The following SORL1 variants were observed in gnomAD, a reference collection of about 807,000 sequenced individuals.
The protein encoded by SORL1 is sortilin related receptor 1, also known as sortilin-related receptor.
In SORL1, 127 loss-of-function variants were observed where a neutral mutation model predicts 273.7. That is an observed-to-expected ratio of 0.46 (90% CI 0.40 to 0.54). The LOEUF (loss-of-function observed/expected upper bound fraction) is 0.54. Ranked by LOEUF, SORL1 falls within the 20% of genes least tolerant of loss-of-function variation. The pLI is 0.00. For synonymous variants in SORL1, 1,031 were observed against 1,067.4 expected, an observed-to-expected ratio of 0.97 and a Z score of 0.66; for missense variants, 2,494 against 2,846.1, an observed-to-expected ratio of 0.88 and a Z score of 2.81.
rs78207399 is a variant in SORL1 at position 121,494,031 on chromosome 11, C to T, written c.759-2838C>T. Among the ~76,000 whole-genome samples the T allele has an allele frequency of 5.8e-3, 879 of 152,224 alleles. 6 individuals carry two copies. The highest frequency in any genetic ancestry group is 0.02 in the African/African-American group (819 of 41,516). ...AAGGACACCCTCTGCTCAAGGAGAACCATTAGAACTTTCTTCTGCTTTATT... is the reference window on the plus strand; with the variant it reads ...AAGGACACCCTCTGCTCAAGGAGAATCATTAGAACTTTCTTCTGCTTTATT... On this transcript the variant is annotated intron_variant, in intron 5 of 47. Coordinates refer to ENST00000260197, the MANE Select transcript of SORL1 (RefSeq NM_003105.6).
In SORL1 at chr11:121,488,050, T is replaced by G. The variant is rs770700207; in HGVS notation, c.547T>G (p.Tyr183Asp). Residue 183 changes from tyrosine (Y) to aspartate (D), a missense_variant, in exon 4 of 48, where the codon TAT becomes GAT. This residue lies in a region of SORL1 where 710 missense variants were observed against 882.5 expected (regional missense o/e 0.80). Coordinates refer to ENST00000260197, the MANE Select transcript of SORL1 (RefSeq NM_003105.6). Reference protein sequence around the residue: ...DNKRYIFADAYAQYLWITFDF... With the variant: ...DNKRYIFADADAQYLWITFDF... ...CTTGCAGTACATCTTTGCAGACGCT[T>G]ATGCCCAGTACCTCTGGATCACGTT... is the stretch of plus-strand genomic sequence containing the variant. 3.7e-6 allele frequency: 6 copies of G among 1,614,068 alleles called. No homozygotes were observed. Among genetic ancestry groups the G allele is most frequent in the Admixed American group, 1.7e-5 (1 of 59,996 alleles).
At position 121,605,170 on chromosome 11, in the gene SORL1, A is replaced by T. The variant is rs1863450575; in HGVS notation, c.4709A>T (p.Asp1570Val). ...NLQWTADFSG[D>V]VTLTWMRPKK... ...CAGTGGACAGCTGACTTCTCTGGGG[A>T]TGTGACTTTGACCTGGATGAGGCCC... The change falls in exon 34 of 48, where the codon GAT becomes GTT. Residue 1570 changes from aspartate to valine, a missense_variant. Asp to Val is a radical substitution (Grantham distance 152). This residue lies in a region of SORL1 where 1,609 missense variants were observed against 1,816.4 expected (regional missense o/e 0.89). Coordinates refer to ENST00000260197, the MANE Select transcript of SORL1 (RefSeq NM_003105.6). 4 of 1,613,558 alleles carry T rather than the reference A, an allele frequency of 2.5e-6. No homozygotes were observed. The highest frequency in any genetic ancestry group is 2.7e-5 in the African/African-American group (2 of 75,016).
At chr11:121,556,841 A>T (rs369898035) in intron 18 of SORL1, among the ~76,000 whole-genome samples, 51 of 152,296 alleles carry the variant, frequency 3.3e-4, no homozygotes, top group African/African-American at 1.2e-3. Flanking sequence ...GAAGCAAGAG[A>T]TGACCAGCCT....
chr11:121,574,433 A>G (rs1158409430), intron 24 of SORL1, 70 bp downstream of exon 24: 26 of 1,387,854 alleles, frequency 1.9e-5, no homozygotes, highest in Non-Finnish European at 2.2e-5. Flanking sequence ...ACAGGGCTGT[A>G]CTGGTATGTA....
At chr11:121,616,004 C>T (rs1863633598) in intron 41 of SORL1, among the ~76,000 whole-genome samples, 2 of 152,318 alleles carry the variant, frequency 1.3e-5, no homozygotes, top group South Asian at 4.1e-4. Context: ...ACAGCCTCTG[C>T]TCTTTTGTGT....
chr11:121,615,005 G>A lies in SORL1; in HGVS notation c.5554G>A (p.Ala1852Thr), dbSNP rs925217076. Residue 1852 changes from alanine (A) to threonine (T), a missense_variant, in exon 41 of 48, where the codon GCC (alanine) becomes ACC (threonine). Physicochemically the swap from Ala to Thr is moderately conservative, Grantham distance 58. Around this residue, in one of 3 missense-constraint regions of SORL1, gnomAD observed 1,609 missense variants for 1,816.4 expected, o/e 0.89. Coordinates refer to ENST00000260197, the MANE Select transcript of SORL1 (RefSeq NM_003105.6). The stretch of plus-strand genomic sequence containing the variant: ...ACCTGCACCTAGCCTCAAGGCCAAA[G>A]CCATCAACCAGACTGCAGTGGAATG... ...RPPAPSLKAK[A>T]INQTAVECTW... 6.2e-7 allele frequency: 1 copy of A among 1,612,748 alleles called. No homozygotes were observed. Among genetic ancestry groups the A allele is most frequent in the African/African-American group, 1.3e-5 (1 of 74,944 alleles).
At position 121,500,945 on chromosome 11, in the gene SORL1, C is replaced by T. The variant is rs117722597; in HGVS notation, c.939+3896C>T. ...CAATTTTCAACCTTAAGCTAATTTG[C>T]TCTCTAATGTTGATCAGAGGTAACA... is the stretch of plus-strand genomic sequence containing the variant. On this transcript the variant is annotated intron_variant, in intron 6 of 47. Coordinates refer to ENST00000260197, the MANE Select transcript of SORL1 (RefSeq NM_003105.6). 6.4e-4 allele frequency among the ~76,000 whole-genome samples: 98 copies of T among 152,300 alleles called. No individual in the cohort carries two copies. In the East Asian group the frequency reaches 0.017, roughly 27 times the overall value.
intron 39 of SORL1, 62 bp downstream of exon 39, chr11:121,611,220 G>A (rs1483207768): frequency 5.3e-6 from 6 of 1,122,110 alleles, no homozygotes; most frequent in Non-Finnish European, 8.0e-6. Context: ...GAACTGAAAG[G>A]ACATAGCACA....
At position 121,550,737 on chromosome 11, in the gene SORL1, C is replaced by T. The variant is rs1224574411; in HGVS notation, c.2266+67C>T. 3.2e-6 allele frequency: 4 copies of T among 1,261,296 alleles called. No homozygotes were observed. The highest frequency in any genetic ancestry group is 1.5e-5 in the African/African-American group (1 of 67,262). 78.1% of individuals were successfully genotyped at this position (1,261,296 alleles called of 1,614,324 possible). On this transcript the variant is annotated intron_variant, in intron 16 of 47. Coordinates refer to ENST00000260197, the MANE Select transcript of SORL1 (RefSeq NM_003105.6). The surrounding 1 kb of genome is among the most constrained non-coding windows in gnomAD (Gnocchi z 5.3). The stretch of plus-strand genomic sequence containing the variant: ...GTTGAAGCAGTATCACGATCTCACC[C>T]AAGTCCGGGCTTGTGGCTCCTTTAA...
intron 32 of SORL1, among the ~76,000 whole-genome samples, chr11:121,598,989 T>G (rs1480707690): frequency 6.6e-6 from 1 of 152,204 alleles, no homozygotes; most frequent in African/African-American, 2.4e-5. Flanking sequence ...TCTTTCCAAT[T>G]CTTCAATTTC....
At chr11:121,478,317 G>T in intron 3 of SORL1, 74 bp downstream of exon 3, 2 of 1,521,090 alleles carry the variant, frequency 1.3e-6, no homozygotes, top group Non-Finnish European at 8.9e-7. Flanking sequence ...ACTTAAGGGG[G>T]TGCTAGGAGA....
intron 11 of SORL1, among the ~76,000 whole-genome samples, chr11:121,528,526 G>A (rs1308691073): frequency 6.6e-6 from 1 of 152,106 alleles, no homozygotes; most frequent in Non-Finnish European, 1.5e-5. Context: ...ATTTTAAAGT[G>A]TACAGTTCAT....
rs1421418079 is a variant in SORL1, at chr11:121,509,186, A to G, written c.940-3817A>G. Among the ~76,000 whole-genome samples the G allele has an allele frequency of 3.3e-5, 5 of 151,794 alleles. No individual in the cohort carries two copies. In the South Asian group the frequency reaches 6.2e-4, roughly 19 times the overall value. ...TTGCTGAACCTTTGTTGCTGCTCCA[A>G]GGGAGGATGTGACCCATGGCTCTGG... On this transcript the variant is annotated intron_variant, in intron 6 of 47. Coordinates refer to ENST00000260197, the MANE Select transcript of SORL1 (RefSeq NM_003105.6).
intron 11 of SORL1, among the ~76,000 whole-genome samples, chr11:121,530,060 T>A (rs1327132353): frequency 6.6e-6 from 1 of 152,168 alleles, no homozygotes; most frequent in African/African-American, 2.4e-5. Flanking sequence ...TAACGTAAAA[T>A]TTAGAACCCT....
intron 2 of SORL1, among the ~76,000 whole-genome samples, chr11:121,472,735 C>A (rs997806914): frequency 6.6e-6 from 1 of 152,146 alleles, no homozygotes; most frequent in African/African-American, 2.4e-5. Flanking sequence ...CCGAGGTGGG[C>A]AGATCACCTG....
Position 121,554,540 on chromosome 11 carries a change from A to G in SORL1, c.2439+431A>G, listed in dbSNP as rs1565334548. Among the ~76,000 whole-genome samples the G allele has an allele frequency of 6.6e-6, 1 of 152,248 alleles. No homozygotes were observed. Among genetic ancestry groups the G allele is most frequent in the Non-Finnish European group, 1.5e-5 (1 of 68,046 alleles). ...CACAGGTAAGAACCAGGAAGTAAGCATTAAAGAGCCCTGGACAGGCCAGGT... is the reference window on the plus strand; with the variant it reads ...CACAGGTAAGAACCAGGAAGTAAGCGTTAAAGAGCCCTGGACAGGCCAGGT... On this transcript the variant is annotated intron_variant, in intron 17 of 47. Transcript: ENST00000260197. This position sits in a 1 kb window ranked among gnomAD's most constrained non-coding sequence, Gnocchi z 4.6.
At chr11:121,588,444 C>T (rs1863155036) in intron 28 of SORL1, among the ~76,000 whole-genome samples, 2 of 152,114 alleles carry the variant, frequency 1.3e-5, no homozygotes, top group Admixed American at 6.5e-5. Flanking sequence ...GCTCAAGGGT[C>T]GCTGAAAGTG....
intron 23 of SORL1, among the ~76,000 whole-genome samples, chr11:121,572,485 G>C (rs1355611717): frequency 1.3e-5 from 2 of 152,194 alleles, no homozygotes; most frequent in Non-Finnish European, 2.9e-5. Flanking sequence ...CTGAGGCGTG[G>C]AGAGGAGGAA....
intron 5 of SORL1, among the ~76,000 whole-genome samples, chr11:121,496,241 C>T (rs1861627452): frequency 6.6e-6 from 1 of 152,194 alleles, no homozygotes; most frequent in Admixed American, 6.5e-5. Flanking sequence ...GTGGTGTTTG[C>T]AAAAGCACAG....
Sources: allele counts gnomAD v4.1 joint callset (sites outside exome capture counted in the v4.1 genomes callset), GRCh38; gene constraint gnomAD v4.1.1; regional missense constraint gnomAD v4.1.1; non-coding constraint Gnocchi (gnomAD v3.1); transcripts MANE v1.5; gene names NCBI Gene and HGNC (gene_info 2026-07-23, HGNC 2026-07-21).